The following DOCK3 variants were observed in gnomAD, a reference collection of about 807,000 sequenced individuals.
The protein encoded by DOCK3 is dedicator of cytokinesis 3.
DOCK3 carries 60 observed loss-of-function variants against 265.6 expected under a neutral mutation model. That is an observed-to-expected ratio of 0.23 (90% CI 0.18 to 0.28). The LOEUF is 0.28. DOCK3 is among the 10% of genes least tolerant of loss of function. DOCK3 has a pLI of 1.00. For synonymous variants in DOCK3, 881 were observed against 938.0 expected (o/e 0.94, Z 1.11); for missense variants, 1,981 against 2,594.3 (o/e 0.76, Z 5.14).
intron 1 of DOCK3, among the ~76,000 whole-genome samples, chr3:50,676,268 T>C (rs2033948792): frequency 6.6e-6 from 1 of 152,224 alleles, no homozygotes; most frequent in Non-Finnish European, 1.5e-5. Flanking sequence ...CAAAATAACT[T>C]GAAACTGCAG....
At chr3:50,739,504 A>G (rs1285040211) in intron 1 of DOCK3, among the ~76,000 whole-genome samples, 1 of 151,922 alleles carries the variant, frequency 6.6e-6, no homozygotes, top group Non-Finnish European at 1.5e-5. Context: ...CTGACATATT[A>G]TTTGCCTTTG....
intron 4 of DOCK3, among the ~76,000 whole-genome samples, chr3:50,921,417 C>T (rs959177624): frequency 1.3e-5 from 2 of 152,178 alleles, no homozygotes; most frequent in Non-Finnish European, 2.9e-5. Context: ...TTAAGGTCTT[C>T]TCTATGCTGT....
intron 3 of DOCK3, among the ~76,000 whole-genome samples, chr3:50,874,373 G>T (rs1047271905): frequency 6.6e-6 from 1 of 151,986 alleles, no homozygotes; most frequent in Admixed American, 6.6e-5. Context: ...TGGGCATGGT[G>T]GGTGTATTTG....
intron 12 of DOCK3, among the ~76,000 whole-genome samples, chr3:51,200,921 A>G (rs1031703707): frequency 6.6e-6 from 1 of 152,192 alleles, no homozygotes; most frequent in African/African-American, 2.4e-5. Context: ...ATGCAGCCAA[A>G]CTAAGCTTCA....
chr3:51,152,885 G>A (rs1327176074), intron 10 of DOCK3, among the ~76,000 whole-genome samples: 2 of 152,136 alleles, frequency 1.3e-5, no homozygotes, highest in Non-Finnish European at 2.9e-5. Flanking sequence ...ATCTCAGAGG[G>A]GCACCCACCT....
At chr3:50,719,595 C>A in intron 1 of DOCK3, 2 of 1,490,448 alleles carry the variant, frequency 1.3e-6, no homozygotes, top group Admixed American at 3.4e-5. Context: ...TTGCCAAAGA[C>A]CACATGCTTG....
intron 9 of DOCK3, among the ~76,000 whole-genome samples, chr3:51,113,212 T>C (rs1331131301): frequency 6.6e-6 from 1 of 152,078 alleles, no homozygotes; most frequent in Non-Finnish European, 1.5e-5. Flanking sequence ...ATGAGGTAAA[T>C]TCTTCAAAGA....
At chr3:51,380,024 G>A in intron 51 of DOCK3, 101 bp from the exon 52 acceptor site, 1 of 1,123,774 alleles carries the variant, frequency 8.9e-7, no homozygotes, top group Non-Finnish European at 1.3e-6. Flanking sequence ...GGGTCCCCAG[G>A]GGACTCTTCT....
intron 4 of DOCK3, among the ~76,000 whole-genome samples, chr3:50,919,364 A>T (rs1202161409): frequency 1.3e-5 from 2 of 152,032 alleles, no homozygotes; most frequent in Admixed American, 1.3e-4. Context: ...CATTTTTACG[A>T]TATGATTCTT....
chr3:51,038,056 T>G (rs1304554266), intron 5 of DOCK3, among the ~76,000 whole-genome samples: 1 of 152,188 alleles, frequency 6.6e-6, no homozygotes, highest in Non-Finnish European at 1.5e-5. Flanking sequence ...TCCCCCAAAT[T>G]GCTGGCTAAG....
chr3:50,799,928 A>G (rs1040993323), intron 2 of DOCK3, among the ~76,000 whole-genome samples: 2 of 152,186 alleles, frequency 1.3e-5, no homozygotes, highest in Admixed American at 1.3e-4. Flanking sequence ...AATTTCATTA[A>G]GAGCTTTCTC....
In DOCK3 at chr3:51,227,312, A is replaced by C. The variant is rs767283445; in HGVS notation, c.1407A>C (p.Pro469=). 6.2e-7 allele frequency: 1 copy of C among 1,613,880 alleles called. No individual in the cohort carries two copies. Among genetic ancestry groups the C allele is most frequent in the Non-Finnish European group, 8.5e-7 (1 of 1,179,858 alleles). Residue 469 remains proline (P), a synonymous_variant, in exon 16 of 53, where the codon CCA becomes CCC. Coordinates refer to ENST00000266037, the MANE Select transcript of DOCK3 (RefSeq NM_004947.5). ...GCATCAGCTTGGGTTCAGGAGAGCC[A>C]AATAGGAGTTCCTACCACTCCTTTG... ...KDCISLGSGE[P]NRSSYHSFVL... is the part of the protein sequence containing the mutation.
chr3:51,312,365 A>G (rs2109582097), intron 29 of DOCK3, 111 bp from the exon 30 acceptor site: 1 of 1,028,594 alleles, frequency 9.7e-7, no homozygotes, highest in Non-Finnish European at 1.4e-6. Flanking sequence ...AAAAAAAATG[A>G]GGATCTTAAG....
chr3:51,033,045 C>G (rs1458123727), intron 5 of DOCK3, among the ~76,000 whole-genome samples: 3 of 152,196 alleles, frequency 2.0e-5, no homozygotes, highest in Admixed American at 6.6e-5. Context: ...GTAGTCCTTT[C>G]TATTATTAAC....
intron 4 of DOCK3, among the ~76,000 whole-genome samples, chr3:50,916,889 G>T (rs1211732359): frequency 6.6e-6 from 1 of 151,422 alleles, no homozygotes; most frequent in Non-Finnish European, 1.5e-5. Flanking sequence ...AATTGTTTTG[G>T]CTCCCTTTAT....
intron 25 of DOCK3, among the ~76,000 whole-genome samples, chr3:51,275,813 G>A (rs989637294): frequency 2.0e-5 from 3 of 152,114 alleles, no homozygotes; most frequent in Non-Finnish European, 2.9e-5. Flanking sequence ...TGGTAAGAGG[G>A]GATGAACTGA....
intron 5 of DOCK3, among the ~76,000 whole-genome samples, chr3:50,971,730 C>T (rs1294557367): frequency 6.6e-6 from 1 of 152,208 alleles, no homozygotes; most frequent in Non-Finnish European, 1.5e-5. Flanking sequence ...TCTCTGTTGC[C>T]TCAGGAACTG....
At chr3:50,788,298 C>T in intron 2 of DOCK3, 1 of 399,564 alleles carries the variant, frequency 2.5e-6, no homozygotes. Flanking sequence ...GTAAATGACT[C>T]AATTTATTAA....
chr3:50,741,501 A>G (rs1468612458), intron 1 of DOCK3, among the ~76,000 whole-genome samples: 1 of 138,896 alleles, frequency 7.2e-6, no homozygotes, highest in South Asian at 2.3e-4. Context: ...TTCAGTTCCC[A>G]CCTATGAGTG....
Sources: allele counts gnomAD v4.1 joint callset (sites outside exome capture counted in the v4.1 genomes callset), GRCh38; gene constraint gnomAD v4.1.1; transcripts MANE v1.5; gene names NCBI Gene and HGNC (gene_info 2026-07-23, HGNC 2026-07-21).